The following CYP27C1 variants were observed in gnomAD, a reference collection of about 807,000 sequenced individuals.
CYP27C1 encodes the protein cytochrome P450 27C1.
In CYP27C1, 29 loss-of-function variants were observed where a neutral mutation model predicts 40.6. The ratio of observed to expected loss-of-function variants is 0.71; its 90% CI spans 0.53 to 0.97. The LOEUF is 0.97. CYP27C1 is among the 50% of genes least tolerant of loss of function. CYP27C1 has a pLI of 0.00. For missense variants in CYP27C1, 390 were observed against 485.8 expected, an observed-to-expected ratio of 0.80 and a Z score of 1.85; for synonymous variants, 198 against 186.8, an observed-to-expected ratio of 1.06 and a Z score of -0.49.
At chr2:127,199,342 T>C (rs750852026) in intron 5 of CYP27C1, 34 bp downstream of exon 5, 1 of 1,607,522 alleles carries the variant, frequency 6.2e-7, no homozygotes, top group Non-Finnish European at 8.5e-7. Context: ...GGTTATCGTG[T>C]GTTGCTTGCT....
intron 1 of CYP27C1, among the ~76,000 whole-genome samples, chr2:127,206,879 T>C (rs1046279548): frequency 1.3e-5 from 2 of 152,170 alleles, no homozygotes; most frequent in Admixed American, 6.5e-5. Context: ...GCTATCTCTA[T>C]TGGCAGATGA....
Position 127,196,907 on chromosome 2 carries a change from A to C in CYP27C1, c.1048-1406T>G, listed in dbSNP as rs1682916004. On this transcript the variant is annotated intron_variant, in intron 5 of 8. Coordinates refer to ENST00000664447, the MANE Select transcript of CYP27C1 (RefSeq NM_001367502.1). This position sits in a 1 kb window ranked among gnomAD's most constrained non-coding sequence, Gnocchi z 4.5. The stretch of plus-strand genomic sequence containing the variant: ...TAGAAAAATGTGGCAGTGGTTTCAT[A>C]AATGATTCCATCTGTCAAAAATCTG... Among the ~76,000 whole-genome samples the C allele has an allele frequency of 6.6e-6, 1 of 152,260 alleles. No individual in the cohort carries two copies. The highest frequency in any genetic ancestry group is 6.5e-5 in the Admixed American group (1 of 15,274).
chr2:127,189,621 T>TAAAA lies in CYP27C1; in HGVS notation c.1498-2238_1498-2235dup, dbSNP rs34402051. On this transcript the variant is annotated intron_variant, in intron 8 of 8. Transcript: ENST00000664447. ...TGTATCCCAGAACTTAAAGTAAAAT[T>TAAAA]AAAAAAAAAAAAAAAAAGAAAGGCT... Among the ~76,000 whole-genome samples the TAAAA allele has an allele frequency of 3.1e-3, 439 of 141,374 alleles. 1 individual carries two copies. Among genetic ancestry groups the TAAAA allele is most frequent in the Middle Eastern group, 0.025 (7 of 278 alleles). The allele number at this position is 141,374 out of a possible 152,430, so 92.7% of individuals were successfully genotyped here. A position where few individuals can be genotyped will look rare whatever the true frequency, so the allele number is the denominator to read the frequency against.
chr2:127,211,586 C>T (rs1195439953), intron 1 of CYP27C1, among the ~76,000 whole-genome samples: 1 of 151,792 alleles, frequency 6.6e-6, no homozygotes, highest in Non-Finnish European at 1.5e-5. Context: ...GGGGTTTCAC[C>T]GTATTAGCCA....
Position 127,199,508 on chromosome 2 carries a change from G to A in CYP27C1, c.915C>T (p.Asp305=). Residue 305 remains aspartate (D), a synonymous_variant, in exon 5 of 9, where the codon GAC becomes GAT. Coordinates refer to ENST00000664447, the MANE Select transcript of CYP27C1 (RefSeq NM_001367502.1). ...GGCCTCGGTCCATTTGGTACTGTAT[G>A]TCCCTCAACTTGTTGTCAACATGAA... ...SQIHVDNKLR[D]IQYQMDRGRR... is the part of the protein sequence containing the mutation. The A allele has an allele frequency of 6.2e-7, 1 of 1,613,834 alleles. No individual in the cohort carries two copies. Among genetic ancestry groups the A allele is most frequent in the African/African-American group, 1.3e-5 (1 of 75,052 alleles).
chr2:127,206,988 A>G (rs183651144), intron 1 of CYP27C1, among the ~76,000 whole-genome samples: 2 of 152,356 alleles, frequency 1.3e-5, no homozygotes, highest in East Asian at 3.9e-4. Context: ...ACAAAAATCA[A>G]TTGTATTTCT....
chr2:127,190,577 T>C (rs1169218176), intron 8 of CYP27C1, among the ~76,000 whole-genome samples: 1 of 150,364 alleles, frequency 6.7e-6, no homozygotes, highest in Non-Finnish European at 1.5e-5. Context: ...CCTGACCTCA[T>C]GATCTGCCTG....
At chr2:127,210,212 C>T (rs1466029786) in intron 1 of CYP27C1, among the ~76,000 whole-genome samples, 3 of 152,114 alleles carry the variant, frequency 2.0e-5, no homozygotes, top group Non-Finnish European at 4.4e-5. Flanking sequence ...GGCCAATATT[C>T]AACATAGTTA....
intron 1 of CYP27C1, among the ~76,000 whole-genome samples, chr2:127,212,281 C>A (rs539250509): frequency 6.6e-6 from 1 of 152,242 alleles, no homozygotes; most frequent in East Asian, 1.9e-4. Context: ...CTATTCCAAA[C>A]AATTGAGAAG....
intron 1 of CYP27C1, among the ~76,000 whole-genome samples, chr2:127,212,563 A>C (rs1277534130): frequency 2.0e-5 from 3 of 152,224 alleles, no homozygotes; most frequent in Non-Finnish European, 4.4e-5. Flanking sequence ...CAAGGACAAA[A>C]ACTACATAAT....
At chr2:127,202,373 G>A (rs993852519) in intron 3 of CYP27C1, among the ~76,000 whole-genome samples, 18 of 152,216 alleles carry the variant, frequency 1.2e-4, no homozygotes, top group East Asian at 1.9e-4. Flanking sequence ...TGATCCACCC[G>A]CCTCGGCCTC....
intron 1 of CYP27C1, among the ~76,000 whole-genome samples, chr2:127,214,683 G>A (rs1485665701): frequency 6.6e-6 from 1 of 151,920 alleles, no homozygotes; most frequent in Non-Finnish European, 1.5e-5. Context: ...GGGGGTTGAG[G>A]GGAGGAAACT....
intron 2 of CYP27C1, among the ~76,000 whole-genome samples, chr2:127,204,371 G>C (rs1482220404): frequency 2.9e-5 from 3 of 102,072 alleles, no homozygotes; most frequent in Non-Finnish European, 6.1e-5. Flanking sequence ...AGGAAGGAAA[G>C]AGAGAGAGAA....
At chr2:127,202,939 C>T (rs529103767) in intron 3 of CYP27C1, among the ~76,000 whole-genome samples, 6 of 151,958 alleles carry the variant, frequency 3.9e-5, no homozygotes, top group Non-Finnish European at 5.9e-5. Flanking sequence ...GAGGCCAAGG[C>T]GGGCGAATCA....
chr2:127,211,999 C>G (rs1302388796), intron 1 of CYP27C1, among the ~76,000 whole-genome samples: 1 of 152,042 alleles, frequency 6.6e-6, no homozygotes, highest in African/African-American at 2.4e-5. Flanking sequence ...ACCACTGACC[C>G]CACAGAAACA....
Position 127,195,311 on chromosome 2 carries a change from G to A in CYP27C1, c.1214+24C>T. The A allele has an allele frequency of 6.2e-7, 1 of 1,613,818 alleles. No homozygotes were observed. Among genetic ancestry groups the A allele is most frequent in the Non-Finnish European group, 8.5e-7 (1 of 1,179,874 alleles). ...AGGGACCTAAGGGACACAGTTTGTT[G>A]ACGGATTCTGGCGAGCCTTTTACCT... On this transcript the variant is annotated intron_variant, in intron 6 of 8. Coordinates refer to ENST00000664447, the MANE Select transcript of CYP27C1 (RefSeq NM_001367502.1). This position sits in a 1 kb window ranked among gnomAD's most constrained non-coding sequence, Gnocchi z 6.2.
Position 127,205,904 on chromosome 2 carries a change from A to C in CYP27C1, c.469T>G (p.Ser157Ala). 1 of 268,812 alleles carries C rather than the reference A, an allele frequency of 3.7e-6. No individual in the cohort carries two copies. Among genetic ancestry groups the C allele is most frequent in the African/African-American group, 2.3e-5 (1 of 43,530 alleles). 16.7% of individuals were successfully genotyped at this position (268,812 alleles called of 1,614,324 possible). A position where few individuals can be genotyped will look rare whatever the true frequency, so the allele number is the denominator to read the frequency against. Residue 157 changes from serine to alanine, a missense_variant, in exon 2 of 9, where the codon TCG (serine) becomes GCG (alanine). Physicochemically the swap from Ser to Ala is moderately conservative, Grantham distance 99. Coordinates refer to ENST00000664447, the MANE Select transcript of CYP27C1 (RefSeq NM_001367502.1). Reference protein sequence around the residue: ...DLRGRATGLISAEGEQWLKMR... With the variant: ...DLRGRATGLIAAEGEQWLKMR... ...AGCCCGGGCCCACATACTCACGCCG[A>C]GATGAGCCCGGTGGCTCTCCCCCGC...
chr2:127,190,036 T>G (rs573607455), intron 8 of CYP27C1, among the ~76,000 whole-genome samples: 13 of 152,246 alleles, frequency 8.5e-5, no homozygotes, highest in African/African-American at 3.1e-4. Flanking sequence ...CCTGAAGGTT[T>G]GATAAAACTT....
At position 127,193,262 on chromosome 2, in the gene CYP27C1, G is replaced by A. The variant is rs1682824127; in HGVS notation, c.1329C>T (p.Tyr443=). The A allele has an allele frequency of 6.2e-7, 1 of 1,614,204 alleles. No homozygotes were observed. The highest frequency in any genetic ancestry group is 2.2e-5 in the East Asian group (1 of 44,876). Residue 443 remains tyrosine, a synonymous_variant, in exon 8 of 9, where the codon TAC becomes TAT. Transcript: ENST00000664447. ...TGGCCCGAGGGAAGTTCTCATCCTG[G>A]TACGATGTGGCATAGTGGCAAAGGG... ...QLALCHYATS[Y]QDENFPRAKE... is the part of the protein sequence containing the mutation.
Sources: gnomAD v4.1 joint callset for allele counts (sites outside exome capture counted in the v4.1 genomes callset) on GRCh38, gnomAD v4.1.1 for gene constraint, Gnocchi (gnomAD v3.1) non-coding constraint, MANE v1.5 for transcripts, NCBI Gene and HGNC (gene_info 2026-07-23, HGNC 2026-07-21) for gene names.